The following OSMR variants were observed in gnomAD, a reference collection of about 807,000 sequenced individuals.
The protein encoded by OSMR is oncostatin M receptor.
OSMR carries 81 observed loss-of-function variants against 99.9 expected under a neutral mutation model. That is an observed-to-expected ratio of 0.81 (90% confidence interval 0.68 to 0.97). The LOEUF (loss-of-function observed/expected upper bound fraction) is 0.97. OSMR is among the 50% of genes least tolerant of loss of function. The pLI is 0.00. For missense variants in OSMR, 1,099 were observed against 1,153.4 expected, an observed-to-expected ratio of 0.95 and a Z score of 0.68; for synonymous variants, 406 against 410.4, an observed-to-expected ratio of 0.99 and a Z score of 0.13.
chr5:38,889,058 T>C (rs539333933), intron 7 of OSMR, among the ~76,000 whole-genome samples: 1 of 152,300 alleles, frequency 6.6e-6, no homozygotes, highest in African/African-American at 2.4e-5. Flanking sequence ...TCTATTTTTT[T>C]CCCCATTAGA....
downstream of OSMR, chr5:38,940,061 G>C (rs1204015443): frequency 1.9e-5 from 4 of 207,856 alleles, no homozygotes; most frequent in African/African-American, 9.9e-5. Flanking sequence ...AAAGCTCTGA[G>C]TATCTCCCCA....
chr5:38,870,330 CTTTTTTTTT>C (rs374861159), intron 2 of OSMR, among the ~76,000 whole-genome samples: 1 of 115,140 alleles, frequency 8.7e-6, no homozygotes, highest in Non-Finnish European at 1.7e-5. Flanking sequence ...GAATGATTTT[CTTTTTTTTT>C]TTTTTTTTTT....
At chr5:38,900,257 A>G (rs1287457108) in intron 7 of OSMR, among the ~76,000 whole-genome samples, 1 of 152,144 alleles carries the variant, frequency 6.6e-6, no homozygotes, top group East Asian at 1.9e-4. Context: ...CTAAGTGCAC[A>G]GAGGTTCTGT....
At chr5:38,940,655 T>TA in intron 1 of OSMR, 1 of 233,002 alleles carries the variant, frequency 4.3e-6, no homozygotes, top group African/African-American at 2.2e-5. Context: ...TGTTATAATG[T>TA]AAGTTGCTAC....
At chr5:38,896,164 GT>G (rs1275096012) in intron 7 of OSMR, among the ~76,000 whole-genome samples, 1 of 151,880 alleles carries the variant, frequency 6.6e-6, no homozygotes, top group Non-Finnish European at 1.5e-5. Context: ...TTTTAGGATT[GT>G]TTTTTCTATT....
intron 15 of OSMR, among the ~76,000 whole-genome samples, chr5:38,928,757 T>G (rs574400178): frequency 6.6e-6 from 1 of 152,280 alleles, no homozygotes; most frequent in East Asian, 1.9e-4. Flanking sequence ...TGTCCCTAGG[T>G]TTCCAAACCA....
chr5:38,860,027 G>A (rs1327806016), intron 1 of OSMR, among the ~76,000 whole-genome samples: 3 of 152,106 alleles, frequency 2.0e-5, no homozygotes, highest in Non-Finnish European at 4.4e-5. Flanking sequence ...TGTAAATGGG[G>A]ACACTTTTTC....
At chr5:38,924,263 C>T (rs745887601) in intron 13 of OSMR, 159 bp from the exon 14 acceptor site, 4 of 975,528 alleles carry the variant, frequency 4.1e-6, no homozygotes, top group Non-Finnish European at 4.9e-6. Context: ...TAAACTATGT[C>T]AAGGCACAAA....
intron 9 of OSMR, among the ~76,000 whole-genome samples, chr5:38,914,770 G>A (rs921912533): frequency 1.3e-5 from 2 of 152,148 alleles, no homozygotes; most frequent in African/African-American, 4.8e-5. Context: ...CTTTTAAGTG[G>A]GAACTGAACA....
exon 3 of OSMR, chr5:38,945,037 A>C: frequency 6.2e-7 from 1 of 1,610,600 alleles, no homozygotes; most frequent in Non-Finnish European, 8.5e-7. Context: ...TAGTCTGCTC[A>C]CACCAATCAG....
intron 1 of OSMR, among the ~76,000 whole-genome samples, chr5:38,862,427 C>G (rs1335677203): frequency 6.7e-6 from 1 of 149,390 alleles, no homozygotes; most frequent in Non-Finnish European, 1.5e-5. Context: ...GGCTGACCCC[C>G]CCACCTCCCT....
At chr5:38,923,382 T>C (rs1746325045) in intron 13 of OSMR, 128 bp downstream of exon 13, 1 of 662,632 alleles carries the variant, frequency 1.5e-6, no homozygotes, top group Admixed American at 2.7e-5. Context: ...ATTCTAGCAA[T>C]TGGGTTTTTA....
chr5:38,882,437 TG>T (rs1743361259), intron 4 of OSMR, among the ~76,000 whole-genome samples: 1 of 152,168 alleles, frequency 6.6e-6, no homozygotes, highest in African/African-American at 2.4e-5. Flanking sequence ...TAGCTGGGCA[TG>T]GTGACGGGCA....
At chr5:38,859,384 C>A (rs1045783915) in intron 1 of OSMR, among the ~76,000 whole-genome samples, 1 of 152,024 alleles carries the variant, frequency 6.6e-6, no homozygotes, top group South Asian at 2.1e-4. Context: ...GTTCTTGGAA[C>A]CTTGGTTGAA....
In OSMR at chr5:38,876,193, C is replaced by A. The variant is rs1561355045; in HGVS notation, c.74-8C>A. Reference sequence around the variant, plus strand: ...ATATTATTTCATACTTCATTTTGATCTTTTCAGTCTTGGCTGAACGTTTAC... The same window carrying A: ...ATATTATTTCATACTTCATTTTGATATTTTCAGTCTTGGCTGAACGTTTAC... On this transcript the variant is annotated splice_polypyrimidine_tract_variant and splice_region_variant and intron_variant, in intron 2 of 17. Transcript: ENST00000274276. 6.2e-7 allele frequency: 1 copy of A among 1,608,972 alleles called. No homozygotes were observed. Among genetic ancestry groups the A allele is most frequent in the Non-Finnish European group, 8.5e-7 (1 of 1,175,544 alleles).
chr5:38,917,635 G>C lies in OSMR; in HGVS notation c.1362+13G>C, dbSNP rs374890377. 18 of 1,599,852 alleles carry C rather than the reference G, an allele frequency of 1.1e-5. No individual in the cohort carries two copies. Among genetic ancestry groups the C allele is most frequent in the South Asian group, 4.4e-5 (4 of 90,808 alleles). ...CTTATTCTGGAAGGTAAGATGTGCA[G>C]ATTCCAAAAGTCTGATTGTTTCCAA... On this transcript the variant is annotated intron_variant, in intron 10 of 17. Coordinates refer to ENST00000274276, the MANE Select transcript of OSMR (RefSeq NM_003999.3).
intron 1 of OSMR, among the ~76,000 whole-genome samples, chr5:38,859,104 G>A (rs1741082352): frequency 6.6e-6 from 1 of 152,006 alleles, no homozygotes. Context: ...TTTTTAGTTT[G>A]GTATAGTTCT....
At chr5:38,945,500 T>C (rs1329515553), downstream of OSMR, 1 of 1,607,944 alleles carries the variant, frequency 6.2e-7, no homozygotes, top group East Asian at 2.2e-5. Flanking sequence ...CCTGAATGAC[T>C]ACATATTGCA....
chr5:38,881,769 G>C lies in OSMR; in HGVS notation c.418+5G>C, dbSNP rs768885996. ...GTTCCTGGGAGGAAGTCAGTGGTAA[G>C]AAGTGAGGTGGTTACAAGAGTGAAA... On this transcript the variant is annotated splice_donor_5th_base_variant and intron_variant, in intron 4 of 17. Coordinates refer to ENST00000274276, the MANE Select transcript of OSMR (RefSeq NM_003999.3). The C allele has an allele frequency of 6.2e-7, 1 of 1,612,430 alleles. No individual in the cohort carries two copies. Among genetic ancestry groups the C allele is most frequent in the Non-Finnish European group, 8.5e-7 (1 of 1,178,408 alleles).
Sources: gnomAD v4.1 joint callset for allele counts (sites outside exome capture counted in the v4.1 genomes callset) on GRCh38, gnomAD v4.1.1 for gene constraint, MANE v1.5 for transcripts, NCBI Gene and HGNC (gene_info 2026-07-23, HGNC 2026-07-21) for gene names.